The following MYCBP2 variants were observed in gnomAD, a reference collection of about 807,000 sequenced individuals.
MYCBP2 encodes E3 ubiquitin-protein ligase MYCBP2.
MYCBP2 carries 120 observed loss-of-function variants against 525.3 expected under a neutral mutation model. That is an observed-to-expected ratio of 0.23 (90% confidence interval 0.20 to 0.27). MYCBP2 has a LOEUF of 0.27. MYCBP2 is among the 10% of genes least tolerant of loss of function. The pLI is 1.00. For synonymous variants in MYCBP2, 1,894 were observed against 1,955.8 expected, an observed-to-expected ratio of 0.97 and a Z score of 0.83; for missense variants, 4,149 against 5,657.1, an observed-to-expected ratio of 0.73 and a Z score of 8.55.
chr13:77,056,372 G>A (rs1367651638), intron 79 of MYCBP2, among the ~76,000 whole-genome samples: 1 of 151,994 alleles, frequency 6.6e-6, no homozygotes, highest in Non-Finnish European at 1.5e-5. Context: ...TTGCAAATAC[G>A]AAGATAAGAA....
In MYCBP2 at chr13:77,081,678, T is replaced by C; in HGVS notation, c.11194-27A>G. 9 of 1,567,008 alleles carry C rather than the reference T, an allele frequency of 5.7e-6. No individual in the cohort carries two copies. The highest frequency in any genetic ancestry group is 2.3e-5 in the East Asian group (1 of 44,436). ...TATCAGAAACAAATATAAGTACTTATGATACTTAAAAGCAAATCTTTCGTG... is the reference window on the plus strand; with the variant it reads ...TATCAGAAACAAATATAAGTACTTACGATACTTAAAAGCAAATCTTTCGTG... On this transcript the variant is annotated intron_variant, in intron 64 of 82. Coordinates refer to ENST00000544440, the MANE Select transcript of MYCBP2 (RefSeq NM_015057.5). The surrounding 1 kb of genome is among the most constrained non-coding windows in gnomAD (Gnocchi z 4.6).
chr13:77,055,330 A>G (rs1409094633), intron 80 of MYCBP2, among the ~76,000 whole-genome samples: 1 of 152,196 alleles, frequency 6.6e-6, no homozygotes, highest in Non-Finnish European at 1.5e-5. Context: ...CAGCTTGTAT[A>G]CAGAAATACT....
chr13:77,050,892 G>T, intron 82 of MYCBP2, 105 bp downstream of exon 82: 1 of 1,005,386 alleles, frequency 9.9e-7, no homozygotes, highest in African/African-American at 1.7e-5. Flanking sequence ...CTTTAGGCTA[G>T]TTTGAATTGA....
chr13:77,303,865 G>A (rs1265694578), intron 1 of MYCBP2, among the ~76,000 whole-genome samples: 1 of 151,870 alleles, frequency 6.6e-6, no homozygotes, highest in Non-Finnish European at 1.5e-5. Context: ...TAGTAGAAAG[G>A]AAATAAAAAT....
At chr13:77,242,996 T>A (rs1368941235) in intron 17 of MYCBP2, 63 bp downstream of exon 17, 1 of 1,360,648 alleles carries the variant, frequency 7.3e-7, no homozygotes, top group African/African-American at 1.4e-5. Flanking sequence ...AACTTTTCAG[T>A]GGTTTCAGGA....
chr13:77,295,484 A>C (rs1018146120), intron 2 of MYCBP2, among the ~76,000 whole-genome samples: 2 of 152,202 alleles, frequency 1.3e-5, no homozygotes, highest in Non-Finnish European at 2.9e-5. Context: ...AGAGCCACCA[A>C]ATAAATGCCA....
At position 77,177,964 on chromosome 13, in the gene MYCBP2, A is replaced by G. The variant is rs377071981; in HGVS notation, c.5134-10T>C. The stretch of plus-strand genomic sequence containing the variant: ...AATTAAGTCCATCAACCTGTGAACA[A>G]TAAAAGCAATTGTATCAGTAGTTGG... On this transcript the variant is annotated splice_polypyrimidine_tract_variant and intron_variant, in intron 34 of 82. Transcript: ENST00000544440. The G allele has an allele frequency of 1.2e-5, 19 of 1,538,540 alleles. No individual in the cohort carries two copies. Among genetic ancestry groups the G allele is most frequent in the South Asian group, 1.0e-4 (9 of 89,486 alleles).
chr13:77,070,425 T>G (rs1364051475), intron 69 of MYCBP2, among the ~76,000 whole-genome samples: 1 of 152,200 alleles, frequency 6.6e-6, no homozygotes, highest in Non-Finnish European at 1.5e-5. Context: ...CTTGCAATTT[T>G]TTTTTTAGTT....
intron 2 of MYCBP2, among the ~76,000 whole-genome samples, chr13:77,291,569 G>A (rs961434573): frequency 6.6e-6 from 1 of 152,176 alleles, no homozygotes; most frequent in Non-Finnish European, 1.5e-5. Flanking sequence ...TCAGGAGTTC[G>A]AGACCAGCCT....
intron 17 of MYCBP2, among the ~76,000 whole-genome samples, chr13:77,241,105 T>C (rs1003820062): frequency 2.6e-5 from 4 of 151,974 alleles, no homozygotes; most frequent in Non-Finnish European, 5.9e-5. Context: ...ATTTAGCTAG[T>C]GGAGGATTTT....
rs17067178 is a variant in MYCBP2, at chr13:77,077,154, C to T, written c.11718G>A (p.Thr3906=). The T allele has an allele frequency of 5.2e-3, 8,430 of 1,613,400 alleles. 364 individuals are homozygous for T. In the African/African-American group the frequency reaches 0.094, roughly 18 times the overall value. Residue 3906 remains threonine, a synonymous_variant, in exon 67 of 83, where the codon ACG becomes ACA. Coordinates refer to ENST00000544440, the MANE Select transcript of MYCBP2 (RefSeq NM_015057.5). The part of the protein sequence containing the change: ...AETLRVFRLI[T]SQVFGKLISG... ...ATGTTGTAAGGACACTCACTTGAGA[C>T]GTAATCAGTCTGAATACTCGCAGAG...
chr13:77,214,978 T>C (rs1159907086), intron 21 of MYCBP2, among the ~76,000 whole-genome samples: 1 of 152,172 alleles, frequency 6.6e-6, no homozygotes, highest in East Asian at 1.9e-4. Flanking sequence ...ATAGTGTGTC[T>C]GCATGCTTAT....
rs2077100452 is a variant in MYCBP2, at chr13:77,288,315, G to A, written c.440C>T (p.Ala147Val). ...GCGTACATTACAGTAAATATTGAAA[G>A]CAGAAGGATTGCTATGTAGTTTGAT... ...PDIKLHSNPSAFNIYCNVRHC... is the reference protein window; with the variant it reads ...PDIKLHSNPSVFNIYCNVRHC... Residue 147 changes from alanine to valine, a missense_variant, in exon 3 of 83, where the codon GCT becomes GTT. By Grantham distance (64) the Ala-to-Val change is moderately conservative (BLOSUM62 0). Transcript: ENST00000544440. The A allele has an allele frequency of 1.2e-6, 2 of 1,614,016 alleles. No individual in the cohort carries two copies. Among genetic ancestry groups the A allele is most frequent in the Admixed American group, 1.7e-5 (1 of 60,002 alleles).
rs1555396981 is a variant in MYCBP2, at chr13:77,194,160, C to A, written c.3928G>T (p.Ala1310Ser). Residue 1310 changes from alanine (A) to serine (S), a missense_variant, in exon 27 of 83, where the codon GCT (alanine) becomes TCT (serine). Transcript: ENST00000544440. ...AATGCACAAATTATTTACCTAGCAG[C>A]ACAGTCATAAGCCAATACATCAGTC... ...AETDVLAYDC[A>S]AREKYAMMFD... 1 of 1,606,784 alleles carries A rather than the reference C, an allele frequency of 6.2e-7. No homozygotes were observed. The highest frequency in any genetic ancestry group is 8.5e-7 in the Non-Finnish European group (1 of 1,175,130).
chr13:77,183,940 T>C (rs1018125830), intron 32 of MYCBP2, among the ~76,000 whole-genome samples: 10 of 152,174 alleles, frequency 6.6e-5, no homozygotes, highest in Non-Finnish European at 1.5e-4. Flanking sequence ...CAACTTTTTT[T>C]CTTCAAAAAA....
At chr13:77,084,122 A>G (rs1016210586) in intron 62 of MYCBP2, among the ~76,000 whole-genome samples, 3 of 152,190 alleles carry the variant, frequency 2.0e-5, no homozygotes, top group Non-Finnish European at 2.9e-5. Flanking sequence ...TTGTTTTTAT[A>G]TAACATTCTG....
intron 2 of MYCBP2, among the ~76,000 whole-genome samples, chr13:77,291,665 C>G (rs1243766077): frequency 1.3e-5 from 2 of 151,870 alleles, no homozygotes; most frequent in African/African-American, 4.8e-5. Flanking sequence ...TCCTCGGGAG[C>G]CTGAGGCAGG....
At chr13:77,192,493 C>A (rs888843156) in intron 27 of MYCBP2, among the ~76,000 whole-genome samples, 6 of 151,862 alleles carry the variant, frequency 4.0e-5, no homozygotes, top group African/African-American at 1.5e-4. Context: ...TACTAGGTAA[C>A]AGAGTGGAAG....
intron 28 of MYCBP2, 34 bp downstream of exon 28, chr13:77,191,645 G>T: frequency 6.2e-7 from 1 of 1,600,064 alleles, no homozygotes; most frequent in Non-Finnish European, 8.5e-7. Flanking sequence ...ACAAAAATAA[G>T]TATTGCTTAA....
Sources: allele counts gnomAD v4.1 joint callset (sites outside exome capture counted in the v4.1 genomes callset), GRCh38; gene constraint gnomAD v4.1.1; non-coding constraint Gnocchi (gnomAD v3.1); transcripts MANE v1.5; gene names NCBI Gene and HGNC (gene_info 2026-07-23, HGNC 2026-07-21).